The following PRKCB variants were observed in gnomAD, a reference collection of about 807,000 sequenced individuals.
PRKCB encodes protein kinase C beta.
In PRKCB, 13 loss-of-function variants were observed where a neutral mutation model predicts 81.5. The observed-to-expected ratio is 0.16, with a 90% CI of 0.10 to 0.25. The LOEUF is 0.25. Among genes scored for constraint, PRKCB ranks in the 10% least tolerant of loss-of-function variants. PRKCB has a pLI of 1.00. For synonymous variants in PRKCB, 335 were observed against 321.4 expected, an observed-to-expected ratio of 1.04 and a Z score of -0.45; for missense variants, 509 against 875.7, an observed-to-expected ratio of 0.58 and a Z score of 5.29.
At position 23,979,032 on chromosome 16, in the gene PRKCB, C is replaced by T. The variant is rs182572225; in HGVS notation, c.206-9476C>T. On this transcript the variant is annotated intron_variant, in intron 2 of 16. Coordinates refer to ENST00000643927, the MANE Select transcript of PRKCB (RefSeq NM_002738.7). ...GATTTTTCCAGGAGTGTACAGGCCG[C>T]ATGGGGTGAGCAGAAGTAGGTAGGG... 4.8e-3 allele frequency among the ~76,000 whole-genome samples: 725 copies of T among 152,252 alleles called. 5 individuals carry two copies. Among genetic ancestry groups the T allele is most frequent in the Admixed American group, 6.8e-3 (104 of 15,292 alleles).
At chr16:24,014,459 G>A (rs1596511913) in intron 3 of PRKCB, among the ~76,000 whole-genome samples, 4 of 152,176 alleles carry the variant, frequency 2.6e-5, no homozygotes, top group East Asian at 3.8e-4. Context: ...ACCAGAACTC[G>A]AAGGCCCCCT....
intron 2 of PRKCB, among the ~76,000 whole-genome samples, chr16:23,940,259 A>C (rs1338115036): frequency 6.6e-6 from 1 of 152,146 alleles, no homozygotes. Context: ...GAGAATGGGA[A>C]CTGCAGTAGC....
chr16:23,912,118 C>T lies in PRKCB; in HGVS notation c.205+74712C>T, dbSNP rs141166962. Among the ~76,000 whole-genome samples the T allele has an allele frequency of 3.7e-3, 561 of 152,220 alleles. 7 individuals are homozygous for T. Among genetic ancestry groups the T allele is most frequent in the African/African-American group, 0.013 (541 of 41,530 alleles). ...AAGCGCTGGGATTACAGACATGAGC[C>T]ACTGTACCTAACTGCGCCACCCCTT... On this transcript the variant is annotated intron_variant, in intron 2 of 16. Transcript: ENST00000643927.
chr16:24,190,666 G>T (rs1967777794), intron 15 of PRKCB, among the ~76,000 whole-genome samples: 1 of 151,782 alleles, frequency 6.6e-6, no homozygotes, highest in African/African-American at 2.4e-5. Context: ...CTACAGGTGT[G>T]TGCCACCATA....
At chr16:23,937,687 CT>C (rs1423620852) in intron 2 of PRKCB, among the ~76,000 whole-genome samples, 2 of 152,238 alleles carry the variant, frequency 1.3e-5, no homozygotes, top group African/African-American at 4.8e-5. Flanking sequence ...CTATCTTCCA[CT>C]GTCCTATTCC....
At chr16:23,992,274 C>T (rs1964895998) in intron 3 of PRKCB, among the ~76,000 whole-genome samples, 2 of 152,158 alleles carry the variant, frequency 1.3e-5, no homozygotes, top group South Asian at 4.1e-4. Flanking sequence ...TTGGTACTAA[C>T]AGTGTATAGA....
At chr16:23,993,139 C>A (rs190935275) in intron 3 of PRKCB, among the ~76,000 whole-genome samples, 2 of 152,086 alleles carry the variant, frequency 1.3e-5, no homozygotes, top group Admixed American at 6.5e-5. Flanking sequence ...GTGTGACCCA[C>A]GGGGAGGTAT....
chr16:24,042,837 A>T (rs1311892769), intron 5 of PRKCB, among the ~76,000 whole-genome samples: 2 of 151,422 alleles, frequency 1.3e-5, no homozygotes, highest in East Asian at 3.9e-4. Context: ...TCCCAGGCTC[A>T]ATTGATTCTC....
intron 2 of PRKCB, among the ~76,000 whole-genome samples, chr16:23,950,626 A>T (rs1352109466): frequency 6.6e-6 from 1 of 152,122 alleles, no homozygotes; most frequent in Non-Finnish European, 1.5e-5. Context: ...CACAGAGTAA[A>T]CCCACGTGTT....
chr16:24,094,251 T>A lies in PRKCB; in HGVS notation c.775T>A (p.Leu259Met), dbSNP rs1242956750. ...LTSRNDFMGS[L>M]SFGISELQKA... The stretch of plus-strand genomic sequence containing the variant: ...CAGCAGGAATGACTTCATGGGATCT[T>A]TGTCCTTTGGGATTTCTGAACTTCA... The change falls in exon 7 of 17, where the codon TTG (leucine) becomes ATG (methionine). Residue 259 changes from leucine (L) to methionine (M), a missense_variant. Physicochemically the swap from Leu to Met is conservative, Grantham distance 15. Coordinates refer to ENST00000643927, the MANE Select transcript of PRKCB (RefSeq NM_002738.7). The A allele has an allele frequency of 1.2e-6, 2 of 1,614,192 alleles. No individual in the cohort carries two copies. The highest frequency in any genetic ancestry group is 2.7e-5 in the African/African-American group (2 of 75,054).
intron 5 of PRKCB, among the ~76,000 whole-genome samples, chr16:24,070,284 G>C (rs961268107): frequency 6.6e-5 from 10 of 151,942 alleles, no homozygotes; most frequent in African/African-American, 2.2e-4. Flanking sequence ...AAGTAGCTGG[G>C]ATTACAGGCA....
chr16:24,185,627 C>A, intron 15 of PRKCB, 60 bp downstream of exon 15: 2 of 1,437,458 alleles, frequency 1.4e-6, no homozygotes, highest in South Asian at 1.2e-5. Context: ...TGGGCTGTAC[C>A]TTGCCCAAGA....
intron 16 of PRKCB, among the ~76,000 whole-genome samples, chr16:24,212,461 C>CTTTTTTTT (rs975667798): frequency 2.2e-4 from 17 of 78,036 alleles, no homozygotes; most frequent in African/African-American, 4.9e-4. Flanking sequence ...CTTTTTTTTC[C>CTTTTTTTT]TTTTTTTTTT....
chr16:24,004,495 A>AG (rs908561531), intron 3 of PRKCB, among the ~76,000 whole-genome samples: 1 of 151,320 alleles, frequency 6.6e-6, no homozygotes, highest in Middle Eastern at 3.2e-3. Context: ...AAAAAAAAAA[A>AG]AAAGAAAAAA....
intron 7 of PRKCB, among the ~76,000 whole-genome samples, chr16:24,102,318 A>C (rs1216660282): frequency 6.6e-6 from 1 of 152,248 alleles, no homozygotes; most frequent in Non-Finnish European, 1.5e-5. Flanking sequence ...AGATTTTTGC[A>C]GATAAAAGTC....
In PRKCB at chr16:24,012,885, C is replaced by A. The variant is rs1003721109; in HGVS notation, c.289-19251C>A. ...CTCCTCTGTTCATCCTGCCACCAGG[C>A]ATTTGCACATACTTCTCCCTTGGCT... On this transcript the variant is annotated intron_variant, in intron 3 of 16. Transcript: ENST00000643927. Among the ~76,000 whole-genome samples the A allele has an allele frequency of 4.6e-5, 7 of 152,378 alleles. No homozygotes were observed. In the East Asian group the frequency reaches 1.3e-3, roughly 29 times the overall value.
chr16:24,190,960 A>G, intron 15 of PRKCB, 130 bp from the exon 16 acceptor site: 3 of 1,241,452 alleles, frequency 2.4e-6, no homozygotes, highest in Non-Finnish European at 3.3e-6. Flanking sequence ...GATAAAAAGC[A>G]AAAAACAAAA....
At chr16:24,184,478 GAAA>G (rs1011223956) in intron 13 of PRKCB, among the ~76,000 whole-genome samples, 1 of 151,148 alleles carries the variant, frequency 6.6e-6, no homozygotes, top group African/African-American at 2.4e-5. Flanking sequence ...AAGAAAAAAA[GAAA>G]AAAAATCGTC....
chr16:24,178,422 C>G (rs1443904379), intron 12 of PRKCB, among the ~76,000 whole-genome samples: 3 of 152,236 alleles, frequency 2.0e-5, no homozygotes, highest in African/African-American at 7.2e-5. Flanking sequence ...TCAGGACTGC[C>G]TGGCTCTTGG....
Sources: allele counts gnomAD v4.1 joint callset (sites outside exome capture counted in the v4.1 genomes callset), GRCh38; gene constraint gnomAD v4.1.1; transcripts MANE v1.5; gene names NCBI Gene and HGNC (gene_info 2026-07-23, HGNC 2026-07-21).